Variants in SGCZ observed in about 807,000 individuals in gnomAD.
The protein encoded by SGCZ is zeta-sarcoglycan.
Under a neutral mutation model 41.3 loss-of-function variants are expected in SGCZ, and 40 were observed. That is an observed-to-expected ratio of 0.97 (90% confidence interval 0.75 to 1.26). SGCZ has a LOEUF of 1.26. Among genes scored for constraint, SGCZ ranks in the 50% most tolerant of loss-of-function variants. The pLI is 0.00. For missense variants in SGCZ, 552 were observed against 369.8 expected (o/e 1.49, Z -4.04); for synonymous variants, 206 against 137.5 (o/e 1.50, Z -3.49).
chr8:14,527,357 A>G (rs1802983858), intron 2 of SGCZ, among the ~76,000 whole-genome samples: 2 of 152,148 alleles, frequency 1.3e-5, no homozygotes, highest in Non-Finnish European at 2.9e-5. Flanking sequence ...GCTAGAGCGC[A>G]GTGGCGCGAT....
intron 2 of SGCZ, among the ~76,000 whole-genome samples, chr8:14,501,327 C>A (rs1802146599): frequency 6.6e-6 from 1 of 152,000 alleles, no homozygotes; most frequent in Non-Finnish European, 1.5e-5. Flanking sequence ...CCATCTGCAG[C>A]ATCATTTCCC....
At chr8:14,527,644 A>T (rs1301589076) in intron 2 of SGCZ, among the ~76,000 whole-genome samples, 6 of 152,130 alleles carry the variant, frequency 3.9e-5, no homozygotes, top group Middle Eastern at 3.2e-3. Context: ...ATGACTATTT[A>T]AGCTTAAATT....
chr8:14,244,609 GT>G (rs569669045), intron 3 of SGCZ, among the ~76,000 whole-genome samples: 1 of 151,506 alleles, frequency 6.6e-6, no homozygotes, highest in Non-Finnish European at 1.5e-5. Flanking sequence ...CTTTAAAGTA[GT>G]TTTTTCCAAT....
intron 1 of SGCZ, among the ~76,000 whole-genome samples, chr8:14,579,573 T>C (rs565268584): frequency 3.8e-4 from 58 of 152,338 alleles, no homozygotes; most frequent in Admixed American, 3.3e-3. Flanking sequence ...TATGGCAGGA[T>C]GAGAATATAC....
intron 2 of SGCZ, among the ~76,000 whole-genome samples, chr8:14,337,938 C>A (rs1021022350): frequency 3.3e-5 from 5 of 152,104 alleles, no homozygotes; most frequent in African/African-American, 7.2e-5. Context: ...AGAGGGACAA[C>A]CAGGGTGTAA....
chr8:14,400,308 C>T (rs1799036071), intron 2 of SGCZ, among the ~76,000 whole-genome samples: 3 of 152,046 alleles, frequency 2.0e-5, no homozygotes, highest in Admixed American at 2.0e-4. Context: ...AAGAATAATA[C>T]ACATACAAGC....
intron 1 of SGCZ, among the ~76,000 whole-genome samples, chr8:14,587,910 C>G (rs1332645346): frequency 6.6e-6 from 1 of 152,056 alleles, no homozygotes; most frequent in East Asian, 1.9e-4. Flanking sequence ...GTAAGAGACT[C>G]AAAATTGCAT....
At chr8:15,047,030 A>G (rs1204261283) in intron 1 of SGCZ, among the ~76,000 whole-genome samples, 2 of 152,068 alleles carry the variant, frequency 1.3e-5, no homozygotes, top group Non-Finnish European at 2.9e-5. Flanking sequence ...ATTTACATAA[A>G]TTAATGTAAA....
chr8:15,123,707 A>G (rs1414913842), intron 1 of SGCZ, among the ~76,000 whole-genome samples: 1 of 152,232 alleles, frequency 6.6e-6, no homozygotes, highest in East Asian at 1.9e-4. Flanking sequence ...CAAAGGGTGA[A>G]CAAGGCACCT....
chr8:15,192,335 G>T (rs527372077), intron 1 of SGCZ, among the ~76,000 whole-genome samples: 1 of 151,912 alleles, frequency 6.6e-6, no homozygotes, highest in Admixed American at 6.6e-5. Flanking sequence ...TTTTAAGTAC[G>T]CATACAAATT....
chr8:14,919,648 T>C (rs1028033419), intron 1 of SGCZ, among the ~76,000 whole-genome samples: 1 of 152,210 alleles, frequency 6.6e-6, no homozygotes, highest in Admixed American at 6.5e-5. Flanking sequence ...CTGGGTGCGA[T>C]GGCTCACGCC....
intron 2 of SGCZ, among the ~76,000 whole-genome samples, chr8:14,509,158 A>T (rs1225003534): frequency 6.6e-6 from 1 of 152,144 alleles, no homozygotes; most frequent in Non-Finnish European, 1.5e-5. Context: ...AATTTAGACT[A>T]GATTTTTTGC....
chr8:14,614,604 C>A (rs1450329933), intron 1 of SGCZ, among the ~76,000 whole-genome samples: 1 of 152,144 alleles, frequency 6.6e-6, no homozygotes, highest in Non-Finnish European at 1.5e-5. Context: ...GCAAATTTGT[C>A]TCACCACCTT....
rs1433736249 is a variant in SGCZ, at chr8:14,232,943, T to C, written c.424+4649A>G. On this transcript the variant is annotated intron_variant, in intron 4 of 7. Coordinates refer to ENST00000382080, the MANE Select transcript of SGCZ (RefSeq NM_139167.4). ...TTTTTTAATACCCAATTCACCTTAA[T>C]GTTTTACTGGGATAATAATATAGAT... Among the ~76,000 whole-genome samples the C allele has an allele frequency of 4.6e-5, 7 of 152,082 alleles. No individual in the cohort carries two copies. In the East Asian group the frequency reaches 1.2e-3, roughly 25 times the overall value.
chr8:15,169,255 AG>A (rs1799757810), intron 1 of SGCZ, among the ~76,000 whole-genome samples: 1 of 152,160 alleles, frequency 6.6e-6, no homozygotes, highest in Non-Finnish European at 1.5e-5. Flanking sequence ...ACTTCTTTAA[AG>A]GGGGAAATGA....
At chr8:14,297,174 C>T (rs143204356) in intron 3 of SGCZ, among the ~76,000 whole-genome samples, 2,390 of 152,142 alleles carry the variant, frequency 0.016, 24 homozygotes, top group Non-Finnish European at 0.025. Context: ...CCGCCCACCT[C>T]GGCCTCCAAA....
intron 2 of SGCZ, among the ~76,000 whole-genome samples, chr8:14,506,973 A>G (rs1453947099): frequency 6.6e-6 from 1 of 151,984 alleles, no homozygotes; most frequent in Non-Finnish European, 1.5e-5. Context: ...TCTTTCCGTG[A>G]TCTTATCTCA....
chr8:14,834,573 A>T (rs928816599), intron 1 of SGCZ, among the ~76,000 whole-genome samples: 16 of 152,178 alleles, frequency 1.1e-4, no homozygotes, highest in Non-Finnish European at 2.2e-4. Context: ...ATCTGAAAAG[A>T]TGTTATTCCT....
chr8:15,109,432 GTT>G (rs1563130585), intron 1 of SGCZ, among the ~76,000 whole-genome samples: 1 of 152,022 alleles, frequency 6.6e-6, no homozygotes, highest in African/African-American at 2.4e-5. Context: ...AGGAAAAAAT[GTT>G]TATACGAGAA....
Sources: gnomAD v4.1 joint callset for allele counts (sites outside exome capture counted in the v4.1 genomes callset) on GRCh38, gnomAD v4.1.1 for gene constraint, MANE v1.5 for transcripts, NCBI Gene and HGNC (gene_info 2026-07-23, HGNC 2026-07-21) for gene names.